The following PRKN variants were observed in gnomAD, a reference collection of about 807,000 sequenced individuals.
The protein encoded by PRKN is parkin RBR E3 ubiquitin protein ligase.
PRKN carries 56 observed loss-of-function variants against 59.5 expected under a neutral mutation model. That is an observed-to-expected ratio of 0.94 (90% CI 0.76 to 1.18). The LOEUF is 1.18. Ranked by LOEUF, PRKN falls within the 50% of genes most tolerant of loss-of-function variation. The pLI is 0.00. For synonymous variants in PRKN, 250 were observed against 222.1 expected (o/e 1.13, Z -1.12); for missense variants, 657 against 596.4 (o/e 1.10, Z -1.06).
chr6:162,064,988 C>T (rs1028958365), intron 4 of PRKN, among the ~76,000 whole-genome samples: 8 of 152,136 alleles, frequency 5.3e-5, no homozygotes, highest in African/African-American at 1.7e-4. Context: ...GAGAAAAGTC[C>T]ACAGTGGTAA....
intron 3 of PRKN, among the ~76,000 whole-genome samples, chr6:162,212,991 T>C (rs553050829): frequency 6.6e-6 from 1 of 152,220 alleles, no homozygotes; most frequent in East Asian, 1.9e-4. Flanking sequence ...CATTGTTATA[T>C]ATGTGGTCCA....
intron 7 of PRKN, among the ~76,000 whole-genome samples, chr6:161,747,797 G>A (rs1487385719): frequency 6.6e-6 from 1 of 152,180 alleles, no homozygotes. Context: ...TTACTGAGCA[G>A]AGTACCAGAA....
chr6:161,934,920 G>A (rs966959456), intron 6 of PRKN, among the ~76,000 whole-genome samples: 1 of 152,044 alleles, frequency 6.6e-6, no homozygotes, highest in Non-Finnish European at 1.5e-5. Context: ...AATCACCAAA[G>A]CTTGTTCTTT....
At chr6:161,828,117 C>T (rs1230170715) in intron 6 of PRKN, among the ~76,000 whole-genome samples, 2 of 152,138 alleles carry the variant, frequency 1.3e-5, no homozygotes, top group Non-Finnish European at 2.9e-5. Flanking sequence ...TAGAAAGATT[C>T]CCTTTCAATC....
chr6:162,382,982 G>A (rs1456553922), intron 2 of PRKN, among the ~76,000 whole-genome samples: 1 of 152,102 alleles, frequency 6.6e-6, no homozygotes, highest in African/African-American at 2.4e-5. Flanking sequence ...GTTTTATTAT[G>A]AGATTGCAGC....
chr6:161,767,026 T>C (rs1230356140), intron 7 of PRKN, among the ~76,000 whole-genome samples: 1 of 152,176 alleles, frequency 6.6e-6, no homozygotes, highest in Admixed American at 6.5e-5. Context: ...CCTGCCCTAG[T>C]ATCCAGTAGC....
chr6:161,640,791 T>C (rs1238525010), intron 7 of PRKN, among the ~76,000 whole-genome samples: 1 of 152,128 alleles, frequency 6.6e-6, no homozygotes, highest in Non-Finnish European at 1.5e-5. Flanking sequence ...TTTTACACAG[T>C]TTTCTCAGGT....
intron 1 of PRKN, among the ~76,000 whole-genome samples, chr6:162,524,656 C>G (rs893342319): frequency 2.0e-5 from 3 of 152,126 alleles, no homozygotes; most frequent in Non-Finnish European, 4.4e-5. Context: ...AATTCATTTA[C>G]CAGCACCTAA....
intron 7 of PRKN, among the ~76,000 whole-genome samples, chr6:161,687,337 C>T (rs1442043443): frequency 5.3e-5 from 6 of 113,980 alleles, no homozygotes; most frequent in African/African-American, 1.8e-4. Flanking sequence ...TGCAGTGAGC[C>T]GAGATCGCAC....
intron 6 of PRKN, among the ~76,000 whole-genome samples, chr6:161,919,369 C>A (rs1778694852): frequency 6.6e-6 from 1 of 152,150 alleles, no homozygotes; most frequent in Non-Finnish European, 1.5e-5. Flanking sequence ...GTGAGGATGG[C>A]TCAAATATGC....
At chr6:162,344,288 C>T (rs1357900349) in intron 2 of PRKN, among the ~76,000 whole-genome samples, 3 of 151,996 alleles carry the variant, frequency 2.0e-5, no homozygotes, top group Admixed American at 6.6e-5. Context: ...AATCTCAAAT[C>T]GTCTACAGAG....
intron 1 of PRKN, among the ~76,000 whole-genome samples, chr6:162,707,377 A>G (rs972288896): frequency 1.3e-5 from 2 of 152,196 alleles, no homozygotes; most frequent in Non-Finnish European, 2.9e-5. Context: ...GAGAATAAAC[A>G]ATACTCTCAG....
intron 1 of PRKN, among the ~76,000 whole-genome samples, chr6:162,631,572 C>A (rs538310476): frequency 6.6e-6 from 1 of 152,090 alleles, no homozygotes; most frequent in East Asian, 1.9e-4. Flanking sequence ...GTTAGATTCC[C>A]TATAAATTCT....
chr6:162,125,749 A>T (rs1016898753), intron 4 of PRKN, among the ~76,000 whole-genome samples: 3 of 152,148 alleles, frequency 2.0e-5, no homozygotes, highest in African/African-American at 7.2e-5. Flanking sequence ...TTTCAAACAG[A>T]GGCACAACTC....
chr6:162,061,817 GCTT>G (rs983983231), intron 4 of PRKN, among the ~76,000 whole-genome samples: 1 of 152,108 alleles, frequency 6.6e-6, no homozygotes, highest in Non-Finnish European at 1.5e-5. Flanking sequence ...GAGAATAATC[GCTT>G]TTCTTGTAGA....
intron 3 of PRKN, among the ~76,000 whole-genome samples, chr6:162,244,610 G>T (rs1350909683): frequency 6.6e-6 from 1 of 151,950 alleles, no homozygotes; most frequent in Non-Finnish European, 1.5e-5. Flanking sequence ...ATGGAAAGTA[G>T]ACATCTCTTT....
rs189046417 is a variant in PRKN, at chr6:161,727,006, G to T, written c.871+58766C>A. Among the ~76,000 whole-genome samples the T allele has an allele frequency of 1.1e-3, 171 of 152,212 alleles. 2 individuals are homozygous for T. Among genetic ancestry groups the T allele is most frequent in the Admixed American group, 0.011 (170 of 15,290 alleles). On this transcript the variant is annotated intron_variant, in intron 7 of 11. Transcript: ENST00000366898. ...AACAGGGGAAAGACCCTGACTTCTC[G>T]GTTCCCCTCTTCCCCTGCCTGTAGT... is the stretch of plus-strand genomic sequence containing the variant.
chr6:162,530,205 G>T (rs1778455679), intron 1 of PRKN, among the ~76,000 whole-genome samples: 1 of 151,912 alleles, frequency 6.6e-6, no homozygotes, highest in South Asian at 2.1e-4. Context: ...AACATGATTA[G>T]CATCCAAGAT....
intron 3 of PRKN, among the ~76,000 whole-genome samples, chr6:162,242,971 T>C (rs953898670): frequency 7.2e-5 from 11 of 152,022 alleles, no homozygotes; most frequent in African/African-American, 2.7e-4. Flanking sequence ...AATTATGTCA[T>C]GTAATGATGC....
Sources: allele counts gnomAD v4.1 joint callset (sites outside exome capture counted in the v4.1 genomes callset), GRCh38; gene constraint gnomAD v4.1.1; transcripts MANE v1.5; gene names NCBI Gene and HGNC (gene_info 2026-07-23, HGNC 2026-07-21).